Variants in CSRP3 observed in about 807,000 individuals in gnomAD.
The protein encoded by CSRP3 is cysteine and glycine rich protein 3, also known as cysteine and glycine-rich protein 3.
Under a neutral mutation model 24.3 loss-of-function variants are expected in CSRP3, and 24 were observed. That is an observed-to-expected ratio of 0.99 (90% CI 0.71 to 1.39). The LOEUF (loss-of-function observed/expected upper bound fraction) is 1.39. CSRP3 is among the 40% of genes most tolerant of loss of function. The probability of loss-of-function intolerance (pLI) is 0.00; values close to 1 mark genes in which losing one functional copy is unlikely to be tolerated. For missense variants in CSRP3, 240 were observed against 249.0 expected, an observed-to-expected ratio of 0.96 and a Z score of 0.24; for synonymous variants, 105 against 94.0, an observed-to-expected ratio of 1.12 and a Z score of -0.68.
At chr11:19,191,705 C>G (rs915074485) in intron 2 of CSRP3, among the ~76,000 whole-genome samples, 1 of 152,144 alleles carries the variant, frequency 6.6e-6, no homozygotes, top group African/African-American at 2.4e-5. Flanking sequence ...TCTCAAGGTT[C>G]TCAAGGTTCT....
chr11:19,185,608 C>A (rs1191661569), intron 4 of CSRP3, among the ~76,000 whole-genome samples: 1 of 152,116 alleles, frequency 6.6e-6, no homozygotes, highest in Non-Finnish European at 1.5e-5. Context: ...TGGAGCCTGC[C>A]CTTGTGTTTG....
intron 1 of CSRP3, among the ~76,000 whole-genome samples, chr11:19,193,860 C>T (rs943334145): frequency 3.3e-5 from 5 of 152,214 alleles, no homozygotes; most frequent in African/African-American, 1.2e-4. Flanking sequence ...TAATTGTCCT[C>T]ATCTGCATAT....
intron 1 of CSRP3, among the ~76,000 whole-genome samples, chr11:19,197,371 TC>T (rs1850738299): frequency 2.7e-4 from 2 of 7,338 alleles, no homozygotes; most frequent in Non-Finnish European, 4.5e-4. Flanking sequence ...CCTCCCTCCC[TC>T]CCTCCCTCCC....
At chr11:19,194,109 C>T (rs1243591507) in intron 1 of CSRP3, among the ~76,000 whole-genome samples, 1 of 152,064 alleles carries the variant, frequency 6.6e-6, no homozygotes, top group South Asian at 2.1e-4. Flanking sequence ...TAATAGTTGG[C>T]GATTAACACT....
At chr11:19,190,975 A>G (rs942627681) in intron 2 of CSRP3, among the ~76,000 whole-genome samples, 1 of 152,200 alleles carries the variant, frequency 6.6e-6, no homozygotes, top group African/African-American at 2.4e-5. Flanking sequence ...GACACCCTCT[A>G]CTAAGGAAAG....
rs138192808 is a variant in CSRP3, at chr11:19,188,613, A to AGTGTGTGTGTGTGT, written c.113-323_113-310dup. On this transcript the variant is annotated intron_variant, in intron 2 of 5. Transcript: ENST00000265968. Reference sequence around the variant, plus strand: ...GAGTCTTCCCAAATGACATCAGGGAAGTGTGTGTGTGTGTGTGTGTGTGTG... The same window carrying AGTGTGTGTGTGTGT: ...GAGTCTTCCCAAATGACATCAGGGAAGTGTGTGTGTGTGTGTGTGTGTGTGTGTGTGTGTGTGTG... 9.9e-4 allele frequency among the ~76,000 whole-genome samples: 139 copies of AGTGTGTGTGTGTGT among 140,962 alleles called. 1 individual carries two copies. Among genetic ancestry groups the AGTGTGTGTGTGTGT allele is most frequent in the Middle Eastern group, 3.6e-3 (1 of 280 alleles). The allele number at this position is 140,962 out of a possible 152,430, so 92.5% of individuals were successfully genotyped here. A position where few individuals can be genotyped will look rare whatever the true frequency, so the allele number is the denominator to read the frequency against.
At chr11:19,189,656 A>G (rs545303339) in intron 2 of CSRP3, among the ~76,000 whole-genome samples, 21 of 152,322 alleles carry the variant, frequency 1.4e-4, no homozygotes, top group African/African-American at 4.6e-4. Flanking sequence ...AAGGTTGTAG[A>G]TGAGGTAGGA....
intron 1 of CSRP3, among the ~76,000 whole-genome samples, chr11:19,200,669 C>T (rs1474504993): frequency 6.6e-6 from 1 of 152,234 alleles, no homozygotes; most frequent in African/African-American, 2.4e-5. Context: ...CTCATTGCCA[C>T]TGACCACAAA....
chr11:19,190,891 A>G (rs1345809680), intron 2 of CSRP3, among the ~76,000 whole-genome samples: 2 of 152,220 alleles, frequency 1.3e-5, no homozygotes, highest in East Asian at 1.9e-4. Context: ...AAAGGGATGT[A>G]CCAAAAAATG....
At chr11:19,184,674 C>A (rs1465134296) in intron 5 of CSRP3, among the ~76,000 whole-genome samples, 1 of 152,228 alleles carries the variant, frequency 6.6e-6, no homozygotes, top group Non-Finnish European at 1.5e-5. Flanking sequence ...TCCTCCTCTT[C>A]CCTTCCTCTC....
rs1374350770 is a variant in CSRP3, at chr11:19,182,556, A to G, written c.*114T>C. On this transcript the variant is annotated 3_prime_UTR_variant, in exon 6 of 6. Transcript: ENST00000265968. The stretch of plus-strand genomic sequence containing the variant: ...AAGACCTGATCACTTCTGAGGAGAA[A>G]CACATAATGTACGACTACAAAGGAG... The G allele has an allele frequency of 3.4e-5, 31 of 916,898 alleles. No individual in the cohort carries two copies. The highest frequency in any genetic ancestry group is 5.5e-5 in the Non-Finnish European group (30 of 544,246). 56.8% of individuals were successfully genotyped at this position (916,898 alleles called of 1,614,324 possible).
chr11:19,182,748 T>C lies in CSRP3; in HGVS notation c.509-2A>G. The stretch of plus-strand genomic sequence containing the variant: ...GGCCAAAATTTTTGGCATAGCAAAC[T>C]GTGAATGAGAAGAGGATGAAGGGAG... On this transcript the variant is annotated splice_acceptor_variant, in intron 5 of 5. Transcript: ENST00000265968. LOFTEE classifies it high-confidence loss of function. The C allele has an allele frequency of 2.5e-6, 4 of 1,610,480 alleles. No individual in the cohort carries two copies. The highest frequency in any genetic ancestry group is 3.4e-6 in the Non-Finnish European group (4 of 1,176,646).
At chr11:19,188,371 T>A (rs1225726717) in intron 2 of CSRP3, 67 bp from the exon 3 acceptor site, 3 of 1,565,430 alleles carry the variant, frequency 1.9e-6, no homozygotes, top group African/African-American at 2.7e-5. Flanking sequence ...GCACTCCCAA[T>A]GCCATGCTCG....
chr11:19,190,382 C>T (rs1028852001), intron 2 of CSRP3, among the ~76,000 whole-genome samples: 1 of 152,234 alleles, frequency 6.6e-6, no homozygotes, highest in Non-Finnish European at 1.5e-5. Context: ...AGATTTCAAA[C>T]ACTCAGTACA....
intron 4 of CSRP3, 36 bp from the exon 5 acceptor site, chr11:19,185,081 T>G: frequency 1.4e-6 from 2 of 1,452,804 alleles, no homozygotes; most frequent in Non-Finnish European, 1.9e-6. Context: ...TTTAATGAGG[T>G]AGGCAACACA....
intron 2 of CSRP3, among the ~76,000 whole-genome samples, chr11:19,189,125 G>A (rs1188065050): frequency 6.6e-6 from 1 of 151,918 alleles, no homozygotes; most frequent in Admixed American, 6.6e-5. Context: ...CATAAATTTG[G>A]GGAATAATTA....
intron 1 of CSRP3, among the ~76,000 whole-genome samples, chr11:19,198,811 C>T (rs796379102): frequency 1.2e-4 from 19 of 152,278 alleles, no homozygotes; most frequent in African/African-American, 4.6e-4. Context: ...GACCCAGTGT[C>T]CTCAATGCAT....
In CSRP3 at chr11:19,182,381, A is replaced by G. The variant is rs773016212; in HGVS notation, c.*289T>C. On this transcript the variant is annotated 3_prime_UTR_variant, in exon 6 of 6. Coordinates refer to ENST00000265968, the MANE Select transcript of CSRP3 (RefSeq NM_003476.5). ...TAGCTTTATGTTTTTGAAAATTTCT[A>G]TCTCAAAGAAAAGATCTAGAGCCAT... The G allele has an allele frequency of 2.0e-5, 8 of 392,154 alleles. No individual in the cohort carries two copies. The highest frequency in any genetic ancestry group is 8.3e-5 in the East Asian group (2 of 24,194). 24.3% of individuals were successfully genotyped at this position (392,154 alleles called of 1,614,324 possible). A position where few individuals can be genotyped will look rare whatever the true frequency, so the allele number is the denominator to read the frequency against.
At position 19,182,623 on chromosome 11, in the gene CSRP3, G is replaced by T; in HGVS notation, c.*47C>A. On this transcript the variant is annotated 3_prime_UTR_variant, in exon 6 of 6. Transcript: ENST00000265968. ...GGTATCGATCTGTGCAGGATTACTT[G>T]GCAAGTGTTTTAGGCTCGCAAAAAA... is the stretch of plus-strand genomic sequence containing the variant. 3 of 1,439,564 alleles carry T rather than the reference G, an allele frequency of 2.1e-6. No homozygotes were observed. The highest frequency in any genetic ancestry group is 2.0e-6 in the Non-Finnish European group (2 of 1,020,560). 89.2% of individuals were successfully genotyped at this position (1,439,564 alleles called of 1,614,324 possible).
Sources: gnomAD v4.1 joint callset for allele counts (sites outside exome capture counted in the v4.1 genomes callset) on GRCh38, gnomAD v4.1.1 for gene constraint, MANE v1.5 for transcripts, NCBI Gene and HGNC (gene_info 2026-07-23, HGNC 2026-07-21) for gene names.